Variants in SUCLG2 observed in about 807,000 individuals in gnomAD.
The protein encoded by SUCLG2 is succinate--CoA ligase [GDP-forming] subunit beta, mitochondrial.
Under a neutral mutation model 47.9 loss-of-function variants are expected in SUCLG2, and 42 were observed. The observed-to-expected ratio is 0.88, with a 90% CI of 0.69 to 1.14. The LOEUF (loss-of-function observed/expected upper bound fraction) is 1.14. SUCLG2 is among the 50% of genes most tolerant of loss of function. The pLI is 0.00. For synonymous variants in SUCLG2, 195 were observed against 197.3 expected (o/e 0.99, Z 0.10); for missense variants, 571 against 525.9 (o/e 1.09, Z -0.84).
chr3:67,621,950 G>C (rs1383302194), intron 1 of SUCLG2, among the ~76,000 whole-genome samples: 3 of 152,160 alleles, frequency 2.0e-5, no homozygotes, highest in Admixed American at 6.5e-5. Context: ...CATCAGAGCT[G>C]CTGGGCCTTT....
chr3:67,601,245 T>C (rs1248672652), intron 2 of SUCLG2, among the ~76,000 whole-genome samples: 1 of 152,204 alleles, frequency 6.6e-6, no homozygotes, highest in Non-Finnish European at 1.5e-5. Context: ...AATGCATGTG[T>C]GCAAAACAAA....
intron 9 of SUCLG2, among the ~76,000 whole-genome samples, chr3:67,420,527 T>G (rs574664118): frequency 1.3e-5 from 2 of 152,142 alleles, no homozygotes; most frequent in Non-Finnish European, 2.9e-5. Flanking sequence ...AATAGACTAT[T>G]TTCTTGTTAC....
At chr3:67,608,668 T>G (rs1393967462) in intron 2 of SUCLG2, among the ~76,000 whole-genome samples, 1 of 128,132 alleles carries the variant, frequency 7.8e-6, no homozygotes, top group African/African-American at 3.2e-5. Flanking sequence ...AGTTGTTTGT[T>G]GTTCTAATTT....
intron 2 of SUCLG2, among the ~76,000 whole-genome samples, chr3:67,579,503 T>C (rs1241392035): frequency 6.6e-6 from 1 of 152,178 alleles, no homozygotes; most frequent in Non-Finnish European, 1.5e-5. Flanking sequence ...CTACGTGCAA[T>C]ATAAAATCAG....
At chr3:67,466,088 C>T (rs1575714884) in intron 9 of SUCLG2, among the ~76,000 whole-genome samples, 1 of 152,180 alleles carries the variant, frequency 6.6e-6, no homozygotes, top group East Asian at 1.9e-4. Context: ...CATGGTGGCT[C>T]ACTCCTGTAA....
At chr3:67,539,520 C>CT (rs1285549248) in intron 2 of SUCLG2, among the ~76,000 whole-genome samples, 102 of 152,134 alleles carry the variant, frequency 6.7e-4, no homozygotes, top group African/African-American at 2.4e-3. Context: ...CTGAAATTTT[C>CT]TTTTTTTGTT....
intron 2 of SUCLG2, among the ~76,000 whole-genome samples, chr3:67,599,900 T>G (rs1318594504): frequency 6.6e-6 from 1 of 152,188 alleles, no homozygotes; most frequent in Non-Finnish European, 1.5e-5. Flanking sequence ...TTAAACCTTC[T>G]CAATTCATTT....
At chr3:67,648,202 T>C (rs187138193) in intron 1 of SUCLG2, among the ~76,000 whole-genome samples, 2 of 152,208 alleles carry the variant, frequency 1.3e-5, no homozygotes, top group African/African-American at 4.8e-5. Context: ...AGAAAGAACA[T>C]GGGAGATCCC....
At chr3:67,568,949 G>A (rs910333638) in intron 2 of SUCLG2, among the ~76,000 whole-genome samples, 2 of 152,276 alleles carry the variant, frequency 1.3e-5, no homozygotes, top group South Asian at 4.1e-4. Context: ...AGAGCTATAT[G>A]GAGTTTCCAC....
At chr3:67,402,391 A>C (rs58883258) in intron 9 of SUCLG2, among the ~76,000 whole-genome samples, 1,673 of 152,378 alleles carry the variant, frequency 0.011, 34 homozygotes, top group African/African-American at 0.038. Flanking sequence ...TTGAAATTCA[A>C]CAAAAAGGTA....
chr3:67,550,634 G>A (rs1415568249), intron 2 of SUCLG2, among the ~76,000 whole-genome samples: 2 of 152,128 alleles, frequency 1.3e-5, no homozygotes, highest in Admixed American at 6.5e-5. Context: ...CAGCCAAACC[G>A]TCTCCTTTCT....
chr3:67,529,228 C>CT (rs749188344), intron 2 of SUCLG2, 42 bp from the exon 3 acceptor site: 125 of 1,537,014 alleles, frequency 8.1e-5, no homozygotes, highest in African/African-American at 7.8e-4. Context: ...ATTTTAAATT[C>CT]TTTTTTTGTT....
chr3:67,402,680 C>G (rs1702714036), intron 9 of SUCLG2, among the ~76,000 whole-genome samples: 1 of 152,190 alleles, frequency 6.6e-6, no homozygotes, highest in Admixed American at 6.5e-5. Context: ...AACTCAGGAC[C>G]TGCTGAGGCT....
rs1377353144 is a variant in SUCLG2 at position 67,606,187 on chromosome 3, A to AGAGT, written c.226+3264_226+3267dup. 2.6e-5 allele frequency among the ~76,000 whole-genome samples: 4 copies of AGAGT among 152,330 alleles called. No individual in the cohort carries two copies. In the East Asian group the frequency reaches 7.7e-4, roughly 29 times the overall value. ...ACCACTGCACTCCAGACTGGGTGACAGAGTGAGACCCTGTCTCTAAAAGAA... is the reference window on the plus strand; with the variant it reads ...ACCACTGCACTCCAGACTGGGTGACAGAGTGAGTGAGACCCTGTCTCTAAAAGAA... On this transcript the variant is annotated intron_variant, in intron 2 of 10. Transcript: ENST00000307227.
chr3:67,368,175 T>A (rs1701900464), intron 10 of SUCLG2, among the ~76,000 whole-genome samples: 1 of 152,200 alleles, frequency 6.6e-6, no homozygotes, highest in Non-Finnish European at 1.5e-5. Context: ...TGTCTTTTGG[T>A]ATCAAAAATG....
intron 9 of SUCLG2, among the ~76,000 whole-genome samples, chr3:67,457,846 A>G (rs1704227574): frequency 6.6e-6 from 1 of 152,136 alleles, no homozygotes; most frequent in African/African-American, 2.4e-5. Context: ...ATGGTGTTCT[A>G]TAATGAACCT....
chr3:67,410,042 C>A (rs896179199), intron 9 of SUCLG2, among the ~76,000 whole-genome samples: 5 of 152,096 alleles, frequency 3.3e-5, no homozygotes, highest in Admixed American at 1.3e-4. Flanking sequence ...CTTTAGCAGA[C>A]CATCTGTGTT....
intron 10 of SUCLG2, among the ~76,000 whole-genome samples, chr3:67,399,402 T>C (rs1188718052): frequency 1.3e-5 from 2 of 152,204 alleles, no homozygotes; most frequent in Non-Finnish European, 2.9e-5. Context: ...TGACACACTA[T>C]AGTTGCTCAG....
chr3:67,400,191 T>C (rs1297096512), intron 10 of SUCLG2, among the ~76,000 whole-genome samples: 1 of 152,072 alleles, frequency 6.6e-6, no homozygotes, highest in East Asian at 1.9e-4. Flanking sequence ...AACAATGTCA[T>C]TATTCTTACT....
Sources: allele counts gnomAD v4.1 joint callset (sites outside exome capture counted in the v4.1 genomes callset), GRCh38; gene constraint gnomAD v4.1.1; transcripts MANE v1.5; gene names NCBI Gene and HGNC (gene_info 2026-07-23, HGNC 2026-07-21).